The following CAD variants were observed in gnomAD, a reference collection of about 807,000 sequenced individuals.
CAD encodes the protein carbamoyl-phosphate synthetase 2, aspartate transcarbamylase, and dihydroorotase.
In CAD, 81 loss-of-function variants were observed where a neutral mutation model predicts 237.2. The ratio of observed to expected loss-of-function variants is 0.34; its 90% CI spans 0.29 to 0.41. The LOEUF (loss-of-function observed/expected upper bound fraction) is 0.41, where lower values mean the gene tolerates loss of function less well. CAD is among the 10% of genes least tolerant of loss of function. The pLI, the probability that CAD is intolerant of heterozygous loss-of-function variation, is 1.00. For missense variants in CAD, 2,181 were observed against 2,951.7 expected (o/e 0.74, Z 6.05); for synonymous variants, 1,196 against 1,162.8 (o/e 1.03, Z -0.58).
At chr2:27,238,276 G>A in intron 30 of CAD, 89 bp downstream of exon 30, 1 of 1,526,842 alleles carries the variant, frequency 6.5e-7, no homozygotes, top group South Asian at 1.2e-5. Context: ...GAGACAGCAG[G>A]AGGAGAGTCT....
rs1455520208 is a variant in CAD, at chr2:27,233,292, T to C, written c.2992-20T>C. 6.2e-7 allele frequency: 1 copy of C among 1,606,066 alleles called. No individual in the cohort carries two copies. Among genetic ancestry groups the C allele is most frequent in the Non-Finnish European group, 8.5e-7 (1 of 1,172,908 alleles). The stretch of plus-strand genomic sequence containing the variant: ...TGCCCTCTTTTGCTGCCACCACTTG[T>C]TTCTCCCCCTGCAACGTAGGTGGTG... On this transcript the variant is annotated intron_variant, in intron 19 of 43. Transcript: ENST00000264705. The surrounding 1 kb of genome is among the most constrained non-coding windows in gnomAD (Gnocchi z 6.3).
intron 31 of CAD, 56 bp from the exon 32 acceptor site, chr2:27,238,986 G>T: frequency 1.4e-6 from 2 of 1,477,620 alleles, no homozygotes; most frequent in South Asian, 1.4e-5. Flanking sequence ...GGGTGTGAGT[G>T]ACTTCCTAGA....
At chr2:27,229,248 A>G (rs1455316262) in intron 15 of CAD, among the ~76,000 whole-genome samples, 2 of 151,974 alleles carry the variant, frequency 1.3e-5, no homozygotes, top group African/African-American at 4.8e-5. Context: ...GAAAGAAAAC[A>G]TCACAGCCTA....
chr2:27,235,258 CCTT>C lies in CAD; in HGVS notation c.3803_3805del (p.Phe1268del). The stretch of plus-strand genomic sequence containing the variant: ...CCGCCCCTTTAGGTGCCTCAGTTCT[CCTT>C]CTCCCGCTTGGCGGGTGCTGACGTG... On this transcript the variant is annotated inframe_deletion, in exon 24 of 44. Coordinates refer to ENST00000264705, the MANE Select transcript of CAD (RefSeq NM_004341.5). The surrounding 1 kb of genome is among the most constrained non-coding windows in gnomAD (Gnocchi z 5.2). 1 of 1,608,698 alleles carries C rather than the reference CCTT, an allele frequency of 6.2e-7. No individual in the cohort carries two copies. The highest frequency in any genetic ancestry group is 8.5e-7 in the Non-Finnish European group (1 of 1,177,368).
intron 16 of CAD, 86 bp downstream of exon 16, chr2:27,231,666 A>G (rs562789469): frequency 2.4e-6 from 2 of 819,940 alleles, no homozygotes; most frequent in Non-Finnish European, 4.1e-6. Flanking sequence ...TACCAGTAAC[A>G]CTAGCAGCAG....
Position 27,224,769 on chromosome 2 carries a change from A to T in CAD, c.1279A>T (p.Asn427Tyr). 1 of 1,614,204 alleles carries T rather than the reference A, an allele frequency of 6.2e-7. No homozygotes were observed. Among genetic ancestry groups the T allele is most frequent in the South Asian group, 1.1e-5 (1 of 91,082 alleles). ...SQAIKALKEE[N>Y]IQTLLINPNI... Reference sequence around the variant, plus strand: ...GGCAATTAAGGCCCTGAAGGAGGAAAACATCCAGACGTTGCTGATCAACCC... The same window carrying T: ...GGCAATTAAGGCCCTGAAGGAGGAATACATCCAGACGTTGCTGATCAACCC... Residue 427 changes from asparagine (N) to tyrosine (Y), a missense_variant, in exon 10 of 44, where the codon AAC becomes TAC. Transcript: ENST00000264705.
chr2:27,221,445 T>C (rs1572421923), intron 3 of CAD, 98 bp downstream of exon 3: 3 of 1,121,410 alleles, frequency 2.7e-6, no homozygotes, highest in Non-Finnish European at 3.5e-6. Context: ...ACTCTAAGAT[T>C]GTGATAGTTG....
chr2:27,242,814 G>A lies in CAD; in HGVS notation c.6378+39G>A, dbSNP rs1676386057. 1 of 1,614,136 alleles carries A rather than the reference G, an allele frequency of 6.2e-7. No homozygotes were observed. The highest frequency in any genetic ancestry group is 8.5e-7 in the Non-Finnish European group (1 of 1,179,966). On this transcript the variant is annotated intron_variant, in intron 41 of 43. Coordinates refer to ENST00000264705, the MANE Select transcript of CAD (RefSeq NM_004341.5). This position sits in a 1 kb window ranked among gnomAD's most constrained non-coding sequence, Gnocchi z 6.4. The stretch of plus-strand genomic sequence containing the variant: ...AGCCCTGCCTGGAAGCCATGGAGAT[G>A]TGGGTTGGGCAGTCAGAGCCCAGCG...
chr2:27,236,643 ATGG>A lies in CAD; in HGVS notation c.4315-102_4315-100del. 4 of 1,541,798 alleles carry A rather than the reference ATGG, an allele frequency of 2.6e-6. No individual in the cohort carries two copies. Among genetic ancestry groups the A allele is most frequent in the Non-Finnish European group, 3.6e-6 (4 of 1,117,334 alleles). Reference sequence around the variant, plus strand: ...AAGCTTTGTGGCTACAGAGGGAGAGATGGTGGGTATAGAGTGTGCAGAGCCTGG... The same window carrying A: ...AAGCTTTGTGGCTACAGAGGGAGAGATGGGTATAGAGTGTGCAGAGCCTGG... On this transcript the variant is annotated intron_variant, in intron 26 of 43. Coordinates refer to ENST00000264705, the MANE Select transcript of CAD (RefSeq NM_004341.5). This position sits in a 1 kb window ranked among gnomAD's most constrained non-coding sequence, Gnocchi z 4.1.
Position 27,236,740 on chromosome 2 carries a change from C to T in CAD, c.4315-9C>T. 1.2e-6 allele frequency: 2 copies of T among 1,613,752 alleles called. No homozygotes were observed. Among genetic ancestry groups the T allele is most frequent in the Non-Finnish European group, 1.7e-6 (2 of 1,179,666 alleles). On this transcript the variant is annotated splice_polypyrimidine_tract_variant and intron_variant, in intron 26 of 43. Coordinates refer to ENST00000264705, the MANE Select transcript of CAD (RefSeq NM_004341.5). This position sits in a 1 kb window ranked among gnomAD's most constrained non-coding sequence, Gnocchi z 4.1. ...CCTTCCCTTAAAGCTGACTGCTTTCCACTTGCAGGCCCTAGGCCAGATCGG... is the reference window on the plus strand; with the variant it reads ...CCTTCCCTTAAAGCTGACTGCTTTCTACTTGCAGGCCCTAGGCCAGATCGG...
Position 27,242,473 on chromosome 2 carries a change from G to C in CAD, c.6222+46G>C. 6.3e-7 allele frequency: 1 copy of C among 1,598,902 alleles called. No homozygotes were observed. Among genetic ancestry groups the C allele is most frequent in the Non-Finnish European group, 8.5e-7 (1 of 1,169,954 alleles). On this transcript the variant is annotated intron_variant, in intron 40 of 43. Coordinates refer to ENST00000264705, the MANE Select transcript of CAD (RefSeq NM_004341.5). The surrounding 1 kb of genome is among the most constrained non-coding windows in gnomAD (Gnocchi z 6.4). ...TGGATCCCTGCCAGGGGACGATCTA[G>C]AGAGGGAGGCAGGAAGTGGTTACCC...
Position 27,237,675 on chromosome 2 carries a change from G to A in CAD, c.4564-43G>A. 1 of 1,590,638 alleles carries A rather than the reference G, an allele frequency of 6.3e-7. No homozygotes were observed. The highest frequency in any genetic ancestry group is 8.6e-7 in the Non-Finnish European group (1 of 1,166,404). On this transcript the variant is annotated intron_variant, in intron 28 of 43. Coordinates refer to ENST00000264705, the MANE Select transcript of CAD (RefSeq NM_004341.5). This position sits in a 1 kb window ranked among gnomAD's most constrained non-coding sequence, Gnocchi z 4.0. ...CACTGGTGCCAGGCTAGCCTGTGTG[G>A]GCATGGGTGCCAGTGAGCCTTACCT...
Position 27,241,801 on chromosome 2 carries a change from GA to G in CAD, c.5884-108del. On this transcript the variant is annotated intron_variant, in intron 38 of 43. Transcript: ENST00000264705. This position sits in a 1 kb window ranked among gnomAD's most constrained non-coding sequence, Gnocchi z 4.6. The stretch of plus-strand genomic sequence containing the variant: ...AGGTCACAGGGGAGGTTTGGGTGCA[GA>G]AGGGTCCTCACAGCACCCCTCAAGT... 2 of 826,758 alleles carry G rather than the reference GA, an allele frequency of 2.4e-6. No individual in the cohort carries two copies. Among genetic ancestry groups the G allele is most frequent in the Non-Finnish European group, 3.9e-6 (2 of 509,498 alleles). 51.2% of individuals were successfully genotyped at this position (826,758 alleles called of 1,614,324 possible).
At position 27,232,049 on chromosome 2, in the gene CAD, GACC is replaced by G; in HGVS notation, c.2471_2473del (p.Asp824_Arg825delinsGly). 6.2e-7 allele frequency: 1 copy of G among 1,614,230 alleles called. No individual in the cohort carries two copies. Among genetic ancestry groups the G allele is most frequent in the Non-Finnish European group, 8.5e-7 (1 of 1,180,044 alleles). The stretch of plus-strand genomic sequence containing the variant: ...TGCTTTGTGGGCTGGTTATTCAGTG[GACC>G]GCCTGTATGAGCTCACACGCATCGA... On this transcript the variant is annotated inframe_deletion, in exon 17 of 44. Coordinates refer to ENST00000264705, the MANE Select transcript of CAD (RefSeq NM_004341.5). This position sits in a 1 kb window ranked among gnomAD's most constrained non-coding sequence, Gnocchi z 4.1.
intron 16 of CAD, 42 bp from the exon 17 acceptor site, chr2:27,231,938 G>A: frequency 6.2e-7 from 1 of 1,611,570 alleles, no homozygotes; most frequent in Admixed American, 1.7e-5. Flanking sequence ...GCTTTTAGAT[G>A]GGCTGGCAGT....
In CAD at chr2:27,240,166, A is replaced by C. The variant is rs541418821; in HGVS notation, c.5497-99A>C. 2,036 of 963,134 alleles carry C rather than the reference A, an allele frequency of 2.1e-3. 14 individuals carry two copies. The highest frequency in any genetic ancestry group is 2.4e-3 in the Non-Finnish European group (1,506 of 623,704). The allele number at this position is 963,134 out of a possible 1,614,324, so 59.7% of individuals were successfully genotyped here. On this transcript the variant is annotated intron_variant, in intron 34 of 43. Transcript: ENST00000264705. This position sits in a 1 kb window ranked among gnomAD's most constrained non-coding sequence, Gnocchi z 4.6. ...TGAGGCAGGAGAATTGCTTGAACCC[A>C]GAAGGTCACGCCACTGCACTCCAGC...
At chr2:27,238,357 G>T in intron 30 of CAD, 74 bp from the exon 31 acceptor site, 1 of 1,474,762 alleles carries the variant, frequency 6.8e-7, no homozygotes, top group Non-Finnish European at 9.2e-7. Context: ...GAGCAGGGAT[G>T]TTGGCCATTG....
Position 27,234,688 on chromosome 2 carries a change from A to T in CAD, c.3786+3A>T. On this transcript the variant is annotated splice_donor_region_variant and intron_variant, in intron 23 of 43. Coordinates refer to ENST00000264705, the MANE Select transcript of CAD (RefSeq NM_004341.5). ...GTTCTGGAGTCGTGGGAGTAAAGGT[A>T]AGGAATATCGAAACCCTTGGGGTTA... 1 of 1,613,564 alleles carries T rather than the reference A, an allele frequency of 6.2e-7. No individual in the cohort carries two copies. Among genetic ancestry groups the T allele is most frequent in the Non-Finnish European group, 8.5e-7 (1 of 1,179,602 alleles).
intron 7 of CAD, 62 bp from the exon 8 acceptor site, chr2:27,223,855 T>C: frequency 1.3e-6 from 2 of 1,548,630 alleles, no homozygotes; most frequent in Non-Finnish European, 1.8e-6. Flanking sequence ...ACTACCCACC[T>C]CGAGGCTGCC....
Sources: allele counts gnomAD v4.1 joint callset (sites outside exome capture counted in the v4.1 genomes callset), GRCh38; gene constraint gnomAD v4.1.1; non-coding constraint Gnocchi (gnomAD v3.1); transcripts MANE v1.5; gene names NCBI Gene and HGNC (gene_info 2026-07-23, HGNC 2026-07-21).